The following THADA variants were observed in gnomAD, a reference collection of about 807,000 sequenced individuals.
THADA encodes tRNA (32-2'-O)-methyltransferase regulator THADA.
A neutral mutation model predicts 219.8 loss-of-function variants in THADA; 213 were observed. The ratio of observed to expected loss-of-function variants is 0.97; its 90% CI spans 0.87 to 1.09. THADA has a LOEUF of 1.09. Among genes scored for constraint, THADA ranks in the 50% least tolerant of loss-of-function variants. The probability of loss-of-function intolerance (pLI) is 0.00; values close to 1 mark genes in which losing one functional copy is unlikely to be tolerated. For missense variants in THADA, 2,956 were observed against 2,311.3 expected (o/e 1.28, Z -5.72); for synonymous variants, 1,018 against 828.9 (o/e 1.23, Z -3.92).
At chr2:43,399,399 C>A (rs1227141545) in intron 28 of THADA, among the ~76,000 whole-genome samples, 3 of 152,114 alleles carry the variant, frequency 2.0e-5, no homozygotes, top group African/African-American at 7.2e-5. Context: ...AGGGACAGGG[C>A]CCTACAATAG....
intron 26 of THADA, among the ~76,000 whole-genome samples, chr2:43,437,162 C>T (rs956643245): frequency 6.6e-5 from 10 of 152,170 alleles, no homozygotes; most frequent in Admixed American, 5.2e-4. Context: ...TCACTGATAG[C>T]ACTTCAGCCC....
intron 33 of THADA, 122 bp downstream of exon 33, chr2:43,291,982 G>A (rs1674783733): frequency 7.7e-6 from 6 of 774,260 alleles, no homozygotes; most frequent in East Asian, 2.8e-5. Context: ...CTCTTAGGCT[G>A]AGGTTTAGAA....
intron 29 of THADA, among the ~76,000 whole-genome samples, chr2:43,369,614 G>A (rs1318639104): frequency 6.6e-6 from 1 of 152,122 alleles, no homozygotes; most frequent in African/African-American, 2.4e-5. Context: ...CATTAAGAAG[G>A]CAGATTCTGA....
intron 26 of THADA, among the ~76,000 whole-genome samples, chr2:43,444,809 C>T (rs1474574577): frequency 6.6e-6 from 1 of 152,040 alleles, no homozygotes; most frequent in Non-Finnish European, 1.5e-5. Context: ...GAATAGGGAT[C>T]AACAGAGTAA....
At chr2:43,383,492 T>A (rs559181567) in intron 29 of THADA, among the ~76,000 whole-genome samples, 33 of 152,200 alleles carry the variant, frequency 2.2e-4, no homozygotes, top group Non-Finnish European at 3.1e-4. Context: ...AACAAAGGCA[T>A]AACCAATCAC....
At chr2:43,498,259 T>C (rs1039821228) in intron 25 of THADA, among the ~76,000 whole-genome samples, 2 of 151,988 alleles carry the variant, frequency 1.3e-5, no homozygotes, top group Non-Finnish European at 2.9e-5. Flanking sequence ...GTTTAATGAG[T>C]ACAGAGCTTC....
chr2:43,231,906 G>C (rs1667469206), intron 37 of THADA, among the ~76,000 whole-genome samples: 1 of 152,324 alleles, frequency 6.6e-6, no homozygotes, highest in East Asian at 1.9e-4. Flanking sequence ...GGCCAGCTGA[G>C]TCAGATGCTG....
intron 28 of THADA, chr2:43,408,395 G>A (rs1675854769): frequency 6.6e-6 from 1 of 152,178 alleles, no homozygotes; most frequent in South Asian, 2.1e-4. Flanking sequence ...TTTATTTAAA[G>A]ACAAGTTTGA....
intron 20 of THADA, 79 bp downstream of exon 20, chr2:43,549,126 CTAATT>C (rs1172121421): frequency 8.2e-7 from 1 of 1,224,520 alleles, no homozygotes; most frequent in Non-Finnish European, 1.1e-6. Flanking sequence ...TTTGCAACCT[CTAATT>C]TACCATATAA....
chr2:43,374,115 TA>T (rs1317372397), intron 29 of THADA, among the ~76,000 whole-genome samples: 1 of 152,218 alleles, frequency 6.6e-6, no homozygotes, highest in Non-Finnish European at 1.5e-5. Context: ...TTTAAAAAGT[TA>T]AAATTTTTAT....
At chr2:43,382,204 G>A (rs1033792707) in intron 29 of THADA, among the ~76,000 whole-genome samples, 3 of 152,176 alleles carry the variant, frequency 2.0e-5, no homozygotes, top group Non-Finnish European at 4.4e-5. Context: ...GACAGTAGGT[G>A]AAAACTTGTG....
At chr2:43,550,193 C>T (rs993621521) in intron 19 of THADA, among the ~76,000 whole-genome samples, 1 of 152,150 alleles carries the variant, frequency 6.6e-6, no homozygotes, top group African/African-American at 2.4e-5. Flanking sequence ...AGGAGTTAGC[C>T]AGGCTCAGAT....
Position 43,231,332 on chromosome 2 carries a change from GTCT to G in THADA, c.5475_5477del (p.Glu1825del). 4 of 1,546,906 alleles carry G rather than the reference GTCT, an allele frequency of 2.6e-6. No individual in the cohort carries two copies. The highest frequency in any genetic ancestry group is 1.3e-5 in the South Asian group (1 of 78,832). ...TGACTTCTGCTTTTTCAAACAGGTA[GTCT>G]TCTTCCACCTAAATCAGATGAAAAA... On this transcript the variant is annotated inframe_deletion, in exon 38 of 38. Transcript: ENST00000405975.
At chr2:43,432,201 A>G (rs1175521110) in intron 26 of THADA, among the ~76,000 whole-genome samples, 1 of 148,898 alleles carries the variant, frequency 6.7e-6, no homozygotes, top group Non-Finnish European at 1.5e-5. Context: ...CGTGTTAGCC[A>G]GGATGGTCTC....
intron 29 of THADA, among the ~76,000 whole-genome samples, chr2:43,360,495 G>A (rs570119329): frequency 5.3e-5 from 8 of 152,278 alleles, no homozygotes; most frequent in Non-Finnish European, 1.2e-4. Flanking sequence ...AGCCTTTTAA[G>A]TCCTAGCCTA....
intron 31 of THADA, among the ~76,000 whole-genome samples, chr2:43,297,649 G>A (rs1263970374): frequency 1.1e-5 from 1 of 93,076 alleles, no homozygotes; most frequent in Non-Finnish European, 2.1e-5. Context: ...GGTGAGGGGC[G>A]CCTCTGCCCA....
chr2:43,298,793 AAGG>A (rs1675902899), intron 31 of THADA, among the ~76,000 whole-genome samples: 1 of 152,024 alleles, frequency 6.6e-6, no homozygotes, highest in South Asian at 2.1e-4. Context: ...TACCCCAAAG[AAGG>A]AGGAGATGGG....
At chr2:43,296,898 A>G (rs924327565) in intron 31 of THADA, among the ~76,000 whole-genome samples, 2 of 150,986 alleles carry the variant, frequency 1.3e-5, no homozygotes, top group Non-Finnish European at 1.5e-5. Flanking sequence ...CCCGAGGGCA[A>G]GGAGCAGCCG....
chr2:43,555,241 A>T (rs555762400), intron 17 of THADA, among the ~76,000 whole-genome samples: 13 of 151,590 alleles, frequency 8.6e-5, no homozygotes, highest in South Asian at 6.2e-4. Flanking sequence ...CAATATTATT[A>T]AAAAAAAGAA....
Sources: gnomAD v4.1 joint callset for allele counts (sites outside exome capture counted in the v4.1 genomes callset) on GRCh38, gnomAD v4.1.1 for gene constraint, MANE v1.5 for transcripts, NCBI Gene and HGNC (gene_info 2026-07-23, HGNC 2026-07-21) for gene names.